PREP: variants seen among roughly 807,000 people sequenced by gnomAD.
PREP encodes the protein dJ355L5.1 (prolyl endopeptidase).
Under a neutral mutation model 87.6 loss-of-function variants are expected in PREP, and 29 were observed. The observed-to-expected ratio is 0.33, with a 90% CI of 0.25 to 0.45. The LOEUF is 0.45. PREP is among the 20% of genes least tolerant of loss of function. PREP has a pLI of 1.00. For synonymous variants in PREP, 337 were observed against 328.6 expected (o/e 1.03, Z -0.28); for missense variants, 695 against 886.5 (o/e 0.78, Z 2.74).
chr6:105,332,664 C>G (rs7759457), intron 8 of PREP, among the ~76,000 whole-genome samples: 1 of 151,990 alleles, frequency 6.6e-6, no homozygotes. Flanking sequence ...ATGAGTTTTA[C>G]TGTAGTCAAA....
intron 10 of PREP, among the ~76,000 whole-genome samples, chr6:105,299,900 CTT>C (rs199769252): frequency 2.0e-4 from 29 of 143,212 alleles, no homozygotes; most frequent in East Asian, 4.0e-4. Context: ...TGCTTCTCTG[CTT>C]TTTTTTTTTT....
At chr6:105,323,198 T>C (rs961907216) in intron 10 of PREP, 1 of 1,094,988 alleles carries the variant, frequency 9.1e-7, no homozygotes, top group African/African-American at 1.6e-5. Context: ...AATTAATTTA[T>C]TCATTCAAAT....
At chr6:105,317,226 G>A (rs766302331) in intron 10 of PREP, among the ~76,000 whole-genome samples, 5 of 151,860 alleles carry the variant, frequency 3.3e-5, no homozygotes, top group Non-Finnish European at 5.9e-5. Context: ...TCAAAGTGCT[G>A]GGATTCCAGC....
At chr6:105,344,691 A>C (rs1461333114) in intron 7 of PREP, among the ~76,000 whole-genome samples, 1 of 143,212 alleles carries the variant, frequency 7.0e-6, no homozygotes, top group African/African-American at 2.5e-5. Flanking sequence ...GGGGTGGGGG[A>C]GGCGGGAGGG....
At chr6:105,354,206 C>T (rs1772032449) in intron 6 of PREP, among the ~76,000 whole-genome samples, 2 of 152,148 alleles carry the variant, frequency 1.3e-5, no homozygotes, top group African/African-American at 2.4e-5. Flanking sequence ...TACCCATAAA[C>T]ATCTATATTA....
intron 10 of PREP, among the ~76,000 whole-genome samples, chr6:105,317,394 T>C (rs1770904986): frequency 6.6e-6 from 1 of 152,208 alleles, no homozygotes; most frequent in African/African-American, 2.4e-5. Context: ...GTTAACAGTG[T>C]AACCTCTGTT....
chr6:105,377,140 C>T (rs146567054), intron 3 of PREP, among the ~76,000 whole-genome samples: 24 of 152,276 alleles, frequency 1.6e-4, no homozygotes, highest in East Asian at 3.9e-4. Flanking sequence ...ACCGATAAGA[C>T]GACGATTTCC....
At chr6:105,309,313 C>A (rs1011863228) in intron 10 of PREP, among the ~76,000 whole-genome samples, 3 of 152,172 alleles carry the variant, frequency 2.0e-5, no homozygotes, top group African/African-American at 7.2e-5. Flanking sequence ...CTGACCCCAG[C>A]CAGGATGTCA....
At chr6:105,338,010 C>T (rs773831089) in intron 7 of PREP, among the ~76,000 whole-genome samples, 11 of 152,012 alleles carry the variant, frequency 7.2e-5, no homozygotes, top group Non-Finnish European at 1.2e-4. Context: ...AAAAAAAAAT[C>T]CCCATTCCTT....
At chr6:105,326,764 T>C (rs1233443685) in intron 9 of PREP, among the ~76,000 whole-genome samples, 3 of 152,242 alleles carry the variant, frequency 2.0e-5, no homozygotes, top group Admixed American at 2.0e-4. Flanking sequence ...TCTCTGGTTT[T>C]AGAAATCAAA....
At chr6:105,303,043 C>T (rs1770577437) in intron 10 of PREP, among the ~76,000 whole-genome samples, 1 of 151,908 alleles carries the variant, frequency 6.6e-6, no homozygotes, top group Non-Finnish European at 1.5e-5. Context: ...TGTAAAACCT[C>T]CCTTTTAATC....
At chr6:105,280,321 A>T in intron 14 of PREP, among the ~76,000 whole-genome samples, 1 of 152,206 alleles carries the variant, frequency 6.6e-6, no homozygotes, top group East Asian at 1.9e-4. Context: ...AAACTTTAGA[A>T]ACTAAAGTTA....
intron 10 of PREP, among the ~76,000 whole-genome samples, chr6:105,311,745 G>C (rs575787551): frequency 6.6e-5 from 10 of 152,238 alleles, no homozygotes; most frequent in Admixed American, 6.5e-4. Context: ...CTGACGGGAT[G>C]AATGAAAGGG....
chr6:105,323,245 G>A, intron 10 of PREP: 1 of 743,074 alleles, frequency 1.3e-6, no homozygotes, highest in Non-Finnish European at 2.0e-6. Flanking sequence ...ATGCAGAAAT[G>A]CACATGAACT....
chr6:105,383,228 A>G (rs1460275788), intron 2 of PREP, among the ~76,000 whole-genome samples: 1 of 150,574 alleles, frequency 6.6e-6, no homozygotes, highest in African/African-American at 2.5e-5. Context: ...CAAGGCTAAT[A>G]TCTATGCCAA....
At chr6:105,353,610 A>G (rs1772014929) in intron 6 of PREP, among the ~76,000 whole-genome samples, 1 of 151,938 alleles carries the variant, frequency 6.6e-6, no homozygotes, top group Non-Finnish European at 1.5e-5. Context: ...TGTCTCTACT[A>G]AAAATATAAA....
intron 7 of PREP, among the ~76,000 whole-genome samples, chr6:105,339,342 C>T (rs1771570495): frequency 1.3e-5 from 2 of 152,144 alleles, no homozygotes; most frequent in South Asian, 4.2e-4. Flanking sequence ...AGAAGGAAAA[C>T]AAACAGAAAG....
rs1769944505 is a variant in PREP at position 105,276,902 on chromosome 6, A to G, written c.*1242T>C. Among the ~76,000 whole-genome samples the G allele has an allele frequency of 6.6e-6, 1 of 152,214 alleles. No individual in the cohort carries two copies. Among genetic ancestry groups the G allele is most frequent in the African/African-American group, 2.4e-5 (1 of 41,458 alleles). On this transcript the variant is annotated 3_prime_UTR_variant, in exon 15 of 15. Coordinates refer to ENST00000652536, the MANE Select transcript of PREP (RefSeq NM_002726.5). Reference sequence around the variant, plus strand: ...GGACTTACTTGGAAAAGTACAAATTATTGGAATAATGAAGTAATCTTTTAA... The same window carrying G: ...GGACTTACTTGGAAAAGTACAAATTGTTGGAATAATGAAGTAATCTTTTAA...
chr6:105,312,973 A>G (rs1450107886), intron 10 of PREP, among the ~76,000 whole-genome samples: 3 of 152,180 alleles, frequency 2.0e-5, no homozygotes, highest in Non-Finnish European at 4.4e-5. Context: ...ATGTGTTTCT[A>G]TGAGGTACCC....
Sources: gnomAD v4.1 joint callset for allele counts (sites outside exome capture counted in the v4.1 genomes callset) on GRCh38, gnomAD v4.1.1 for gene constraint, MANE v1.5 for transcripts, NCBI Gene and HGNC (gene_info 2026-07-23, HGNC 2026-07-21) for gene names.